The following RIBC1 variants were observed in gnomAD, a reference collection of about 807,000 sequenced individuals.
The protein encoded by RIBC1 is RIB43A domain with coiled-coils 1, also known as RIB43A-like with coiled-coils protein 1.
RIBC1 carries 12 observed loss-of-function variants against 33.7 expected under a neutral mutation model. The ratio of observed to expected loss-of-function variants is 0.36; its 90% CI spans 0.23 to 0.58. The LOEUF (loss-of-function observed/expected upper bound fraction) is 0.58, where lower values mean the gene tolerates loss of function less well. RIBC1 is among the 20% of genes least tolerant of loss of function. RIBC1 has a pLI of 0.81. For missense variants in RIBC1, 242 were observed against 311.6 expected, an observed-to-expected ratio of 0.78 and a Z score of 1.68; for synonymous variants, 89 against 109.0, an observed-to-expected ratio of 0.82 and a Z score of 1.14.
At chrX:53,423,231 A>C (rs955239977) in intron 1 of RIBC1, 83 bp from the exon 2 acceptor site, 15 of 124,057 alleles carry the variant, frequency 1.2e-4, no homozygotes, top group African/African-American at 4.2e-4. Flanking sequence ...GGCTACTCCC[A>C]GGCAACAGGG....
intron 2 of RIBC1, among the ~76,000 whole-genome samples, chrX:53,424,518 G>A (rs1335066390): frequency 9.2e-6 from 1 of 108,465 alleles, no homozygotes; most frequent in Admixed American, 9.8e-5. Context: ...CCACTGCCAC[G>A]CCTGGCTAAT....
At chrX:53,430,172 A>C (rs1220543684) in intron 6 of RIBC1, among the ~76,000 whole-genome samples, 200 bp downstream of exon 6, 2 of 112,444 alleles carry the variant, frequency 1.8e-5, no homozygotes, top group Admixed American at 9.4e-5. Flanking sequence ...TGACTTGAGA[A>C]TAGAACATTG....
Position 53,428,449 on chromosome X carries a change from G to A in RIBC1, c.366G>A (p.Gly122=). The stretch of plus-strand genomic sequence containing the variant: ...GGGATCCAGGCCAAGTCTGGAAGGG[G>A]CTTCCAACCTATCTTAGTTACAGTA... The part of the protein sequence containing the change: ...SLWDPGQVWK[G]LPTYLSYSNT... Residue 122 remains glycine, a synonymous_variant, in exon 5 of 8, where the codon GGG becomes GGA. Coordinates refer to ENST00000375327, the MANE Select transcript of RIBC1 (RefSeq NM_001031745.5). 1 of 1,210,274 alleles carries A rather than the reference G, an allele frequency of 8.3e-7. No individual in the cohort carries two copies. The highest frequency in any genetic ancestry group is 1.1e-6 in the Non-Finnish European group (1 of 894,523).
At position 53,430,745 on chromosome X, in the gene RIBC1, G is replaced by C. The variant is rs1556894272; in HGVS notation, c.1013G>C (p.Gly338Ala). 4 of 1,202,582 alleles carry C rather than the reference G, an allele frequency of 3.3e-6. No homozygotes were observed. The Admixed American group carries it at 8.9e-5, about 27-fold the overall frequency. Residue 338 changes from glycine to alanine, a missense_variant, in exon 7 of 8, where the codon GGT becomes GCT. Gly to Ala is a moderately conservative substitution (Grantham distance 60). Transcript: ENST00000375327. ...GAATTGTGTGCTGTATTTCAAAGGG[G>C]TCTAGGATCCTTCAACCAGCAGCTG... ...ERELCAVFQR[G>A]LGSFNQQLAN...
intron 2 of RIBC1, 96 bp from the exon 3 acceptor site, chrX:53,426,181 C>T: frequency 1.8e-6 from 1 of 555,947 alleles, no homozygotes; most frequent in South Asian, 2.8e-5. Context: ...GAATCAATAA[C>T]TGCTGAAATA....
intron 5 of RIBC1, 97 bp from the exon 6 acceptor site, chrX:53,429,757 C>T (rs2075812493): frequency 1.8e-6 from 2 of 1,124,549 alleles, no homozygotes; most frequent in Non-Finnish European, 2.4e-6. Context: ...AACATTCGTA[C>T]ACACACAAAC....
rs1490010607 is a variant in RIBC1 at position 53,423,237 on chromosome X, C to CA, written c.-89-76dup. The CA allele has an allele frequency of 2.5e-5, 3 of 122,146 alleles. No homozygotes were observed. The East Asian group carries it at 7.6e-4, about 31-fold the overall frequency. 10.1% of individuals were successfully genotyped at this position (122,146 alleles called of 1,213,427 possible). On this transcript the variant is annotated intron_variant, in intron 1 of 7. Coordinates refer to ENST00000375327, the MANE Select transcript of RIBC1 (RefSeq NM_001031745.5). ...TGGGACTGGGGCTACTCCCAGGCAACAGGGATACAGGCTGGGGAAGGCTAC... is the reference window on the plus strand; with the variant it reads ...TGGGACTGGGGCTACTCCCAGGCAACAAGGGATACAGGCTGGGGAAGGCTAC...
intron 2 of RIBC1, among the ~76,000 whole-genome samples, chrX:53,424,072 T>G (rs1387820237): frequency 9.1e-6 from 1 of 109,389 alleles, no homozygotes; most frequent in Non-Finnish European, 1.9e-5. Flanking sequence ...ATACCCTGTC[T>G]CAAAAATAAA....
chrX:53,423,016 G>A lies in RIBC1; in HGVS notation c.-90+12G>A. On this transcript the variant is annotated intron_variant, in intron 1 of 7. Coordinates refer to ENST00000375327, the MANE Select transcript of RIBC1 (RefSeq NM_001031745.5). ...AGGGCAAGAGGAAGGTGGGAGCTCG[G>A]CTGTGGCTTTAGCCTGGCCAGCTTT... 1 of 228,843 alleles carries A rather than the reference G, an allele frequency of 4.4e-6. No homozygotes were observed. The allele number at this position is 228,843 out of a possible 1,213,427, so 18.9% of individuals were successfully genotyped here. A position where few individuals can be genotyped will look rare whatever the true frequency, so the allele number is the denominator to read the frequency against.
At position 53,430,404 on chromosome X, in the gene RIBC1, G is replaced by A. The variant is rs2075817056; in HGVS notation, c.672G>A (p.Val224=). The A allele has an allele frequency of 8.3e-7, 1 of 1,206,827 alleles. No individual in the cohort carries two copies. Among genetic ancestry groups the A allele is most frequent in the Non-Finnish European group, 1.1e-6 (1 of 892,725 alleles). Residue 224 remains valine (V), a synonymous_variant, in exon 7 of 8, where the codon GTG becomes GTA. Transcript: ENST00000375327. ...MANANKAQAA[V]QAGRQRCERQ... is the part of the protein sequence containing the mutation. ...TTTGGGGGCTCCACCAGGCAGCTGTGCAGGCTGGGCGTCAGCGCTGTGAGC... is the reference window on the plus strand; with the variant it reads ...TTTGGGGGCTCCACCAGGCAGCTGTACAGGCTGGGCGTCAGCGCTGTGAGC...
chrX:53,429,744 C>T, intron 5 of RIBC1, 110 bp from the exon 6 acceptor site: 1 of 1,105,575 alleles, frequency 9.0e-7, no homozygotes. Context: ...TAACCCCCTC[C>T]TAAACATTCG....
chrX:53,431,087 A>G lies in RIBC1; in HGVS notation c.*99A>G. 8.8e-7 allele frequency: 1 copy of G among 1,138,287 alleles called. No homozygotes were observed. The highest frequency in any genetic ancestry group is 2.4e-5 in the Admixed American group (1 of 42,070). 93.8% of individuals were successfully genotyped at this position (1,138,287 alleles called of 1,213,427 possible). On this transcript the variant is annotated 3_prime_UTR_variant, in exon 8 of 8. Transcript: ENST00000375327. ...GCTGCATACTCCCACCTTCTAACCT[A>G]GGTAATAAAGTTCTGCACTCAAAAT...
rs2075805320 is a variant in RIBC1, at chrX:53,428,639, G to A, written c.544+12G>A. ...TGAGAATTATACAGGTAAGCAGCCCGGCCCTCCAGACTCAGAGACCTGAGG... is the reference window on the plus strand; with the variant it reads ...TGAGAATTATACAGGTAAGCAGCCCAGCCCTCCAGACTCAGAGACCTGAGG... On this transcript the variant is annotated intron_variant, in intron 5 of 7. Transcript: ENST00000375327. 4.1e-6 allele frequency: 5 copies of A among 1,208,216 alleles called. No individual in the cohort carries two copies. Among genetic ancestry groups the A allele is most frequent in the South Asian group, 1.8e-5 (1 of 56,386 alleles).
chrX:53,423,731 A>T (rs1169377034), intron 2 of RIBC1, among the ~76,000 whole-genome samples: 1 of 111,866 alleles, frequency 8.9e-6, no homozygotes, highest in Admixed American at 9.5e-5. Flanking sequence ...TATTTATTAA[A>T]TTATGTCCGA....
rs142546210 is a variant in RIBC1 at position 53,428,040 on chromosome X, G to A, written c.155G>A (p.Arg52Gln). Residue 52 changes from arginine to glutamine, a missense_variant, in exon 4 of 8, where the codon CGA becomes CAA. By Grantham distance (43) the Arg-to-Gln change is conservative. Coordinates refer to ENST00000375327, the MANE Select transcript of RIBC1 (RefSeq NM_001031745.5). ...GCCCTGAACAACCAGGTGGGAGACC[G>A]AAAGCGTCGGGAAGCAGCAGAAAGA... The part of the protein sequence containing the change: ...VQALNNQVGD[R>Q]KRREAAERSK... 49 of 1,210,306 alleles carry A rather than the reference G, an allele frequency of 4.0e-5. No homozygotes were observed. The highest frequency in any genetic ancestry group is 3.7e-4 in the Admixed American group (17 of 45,849).
At chrX:53,427,420 T>C (rs1447220677) in intron 3 of RIBC1, among the ~76,000 whole-genome samples, 1 of 112,243 alleles carries the variant, frequency 8.9e-6, no homozygotes, top group Non-Finnish European at 1.9e-5. Context: ...AGTGTTCTGA[T>C]TGAGATCCAG....
At position 53,429,957 on chromosome X, in the gene RIBC1, C is replaced by T. The variant is rs782445524; in HGVS notation, c.648C>T (p.Asn216=). 10 of 1,202,927 alleles carry T rather than the reference C, an allele frequency of 8.3e-6. No individual in the cohort carries two copies. The highest frequency in any genetic ancestry group is 1.8e-5 in the South Asian group (1 of 56,555). Residue 216 remains asparagine, a synonymous_variant, in exon 6 of 8, where the codon AAC becomes AAT. Coordinates refer to ENST00000375327, the MANE Select transcript of RIBC1 (RefSeq NM_001031745.5). ...CRAAMMCAMA[N]ANKAQAAVQA... ...CGGCCATGATGTGTGCCATGGCCAACGCCAACAAAGCGCAGGTATGGCCTG... is the reference window on the plus strand; with the variant it reads ...CGGCCATGATGTGTGCCATGGCCAATGCCAACAAAGCGCAGGTATGGCCTG...
At chrX:53,429,596 T>G in intron 5 of RIBC1, 1 of 775,046 alleles carries the variant, frequency 1.3e-6, no homozygotes, top group Non-Finnish European at 1.7e-6. Flanking sequence ...TATGAAATGA[T>G]TTACCCAAAA....
chrX:53,428,655 A>G, intron 5 of RIBC1, 28 bp downstream of exon 5: 1 of 1,206,427 alleles, frequency 8.3e-7, no homozygotes, highest in South Asian at 1.8e-5. Flanking sequence ...CCAGACTCAG[A>G]GACCTGAGGC....
Sources: gnomAD v4.1 joint callset for allele counts (sites outside exome capture counted in the v4.1 genomes callset) on GRCh38, gnomAD v4.1.1 for gene constraint, MANE v1.5 for transcripts, NCBI Gene and HGNC (gene_info 2026-07-23, HGNC 2026-07-21) for gene names.